ZBTB46: variants seen among roughly 807,000 people sequenced by gnomAD.
ZBTB46 encodes zinc finger and BTB domain-containing protein 46.
A neutral mutation model predicts 44.1 loss-of-function variants in ZBTB46; 8 were observed. The ratio of observed to expected loss-of-function variants is 0.18; its 90% CI spans 0.11 to 0.33. ZBTB46 has a LOEUF of 0.33. Among genes scored for constraint, ZBTB46 ranks in the 10% least tolerant of loss-of-function variants. The pLI, the probability that ZBTB46 is intolerant of heterozygous loss-of-function variation, is 1.00. For missense variants in ZBTB46, 651 were observed against 847.7 expected (o/e 0.77, Z 2.88); for synonymous variants, 409 against 382.3 (o/e 1.07, Z -0.81).
rs149916239 is a variant in ZBTB46 at position 63,747,073 on chromosome 20, C to T, written c.1627G>A (p.Gly543Arg). 2 of 1,609,064 alleles carry T rather than the reference C, an allele frequency of 1.2e-6. No homozygotes were observed. Among genetic ancestry groups the T allele is most frequent in the East Asian group, 2.2e-5 (1 of 44,784 alleles). ...TCCTCGCCCAGCTCCTCCGCCTCCCCTCGTGGGTCCTCAGGGTCCTCCAGA... is the reference window on the plus strand; with the variant it reads ...TCCTCGCCCAGCTCCTCCGCCTCCCTTCGTGGGTCCTCAGGGTCCTCCAGA... ...PYLEDPEDPRGEAEELGEDDE... is the reference protein window; with the variant it reads ...PYLEDPEDPRREAEELGEDDE... Residue 543 changes from glycine to arginine, a missense_variant, in exon 5 of 5, where the codon GGG becomes AGG. Gly to Arg is a moderately radical substitution (Grantham distance 125, BLOSUM62 -2). Around this residue, in one of 5 missense-constraint regions of ZBTB46, gnomAD observed 106 missense variants for 81.0 expected, o/e 1.31. Transcript: ENST00000245663.
At chr20:63,794,242 T>C (rs1462483018) in intron 1 of ZBTB46, among the ~76,000 whole-genome samples, 1 of 151,976 alleles carries the variant, frequency 6.6e-6, no homozygotes, top group African/African-American at 2.4e-5. Flanking sequence ...GTAACAATCT[T>C]TTGCAGTGGC....
intron 1 of ZBTB46, among the ~76,000 whole-genome samples, chr20:63,822,794 G>A (rs1427862332): frequency 2.6e-5 from 4 of 151,984 alleles, no homozygotes; most frequent in Non-Finnish European, 4.4e-5. Context: ...CAGGATGAAT[G>A]CTTGAGCCCA....
At chr20:63,801,022 T>C (rs1389247952) in intron 1 of ZBTB46, among the ~76,000 whole-genome samples, 2 of 152,204 alleles carry the variant, frequency 1.3e-5, no homozygotes, top group Non-Finnish European at 2.9e-5. Context: ...TTGGAGAACC[T>C]TTATGTCTAG....
rs2092849212 is a variant in ZBTB46 at position 63,831,162 on chromosome 20, C to T, written c.-99G>A. ...CCGCCGGGCCGGCGCCGGTGATCGC[C>T]GCCGCCGCCGGGAGGGCGCTGCGTC... is the stretch of plus-strand genomic sequence containing the variant. On this transcript the variant is annotated 5_prime_UTR_variant, in exon 1 of 5. Coordinates refer to ENST00000245663, the MANE Select transcript of ZBTB46 (RefSeq NM_001369741.1). The T allele has an allele frequency of 7.0e-6, 1 of 142,498 alleles. No individual in the cohort carries two copies. The highest frequency in any genetic ancestry group is 2.5e-5 in the African/African-American group (1 of 39,672). 8.8% of individuals were successfully genotyped at this position (142,498 alleles called of 1,614,324 possible). A position where few individuals can be genotyped will look rare whatever the true frequency, so the allele number is the denominator to read the frequency against.
intron 3 of ZBTB46, among the ~76,000 whole-genome samples, chr20:63,772,837 C>T (rs1340560336): frequency 6.6e-6 from 1 of 152,160 alleles, no homozygotes; most frequent in African/African-American, 2.4e-5. Flanking sequence ...GGACACAGCA[C>T]TCTCACTGCA....
At chr20:63,788,764 G>A (rs921025295) in intron 2 of ZBTB46, among the ~76,000 whole-genome samples, 1 of 151,834 alleles carries the variant, frequency 6.6e-6, no homozygotes, top group African/African-American at 2.4e-5. Flanking sequence ...ACTTGAATCC[G>A]GGAGACAGAG....
chr20:63,758,901 T>G (rs923542160), intron 3 of ZBTB46, among the ~76,000 whole-genome samples: 3 of 69,522 alleles, frequency 4.3e-5, no homozygotes, highest in African/African-American at 6.6e-5. Flanking sequence ...CCGGCTAATT[T>G]TTTTGAATTT....
At chr20:63,823,870 G>A (rs1251191579) in intron 1 of ZBTB46, among the ~76,000 whole-genome samples, 2 of 151,574 alleles carry the variant, frequency 1.3e-5, no homozygotes, top group Non-Finnish European at 2.9e-5. Context: ...GTGTGTGTGT[G>A]TGTGTGTGTG....
chr20:63,749,352 T>C (rs1418663682), intron 4 of ZBTB46, among the ~76,000 whole-genome samples: 1 of 152,076 alleles, frequency 6.6e-6, no homozygotes, highest in African/African-American at 2.4e-5. Context: ...TATTTATTTT[T>C]TTGAAACAGA....
intron 1 of ZBTB46, among the ~76,000 whole-genome samples, chr20:63,820,826 T>A (rs2092787759): frequency 6.6e-6 from 1 of 151,998 alleles, no homozygotes; most frequent in African/African-American, 2.4e-5. Context: ...CTTCCCAGGT[T>A]CAAGCGATTC....
In ZBTB46 at chr20:63,790,772, G is replaced by A. The variant is rs1417215525; in HGVS notation, c.-15C>T. The A allele has an allele frequency of 1.3e-6, 2 of 1,586,474 alleles. No individual in the cohort carries two copies. Among genetic ancestry groups the A allele is most frequent in the South Asian group, 2.3e-5 (2 of 88,706 alleles). ...CGGTTGTTCATTTGGAAGCCCTGGT[G>A]TCGCCTCTTCTACAGACTCTGTGGA... On this transcript the variant is annotated 5_prime_UTR_variant, in exon 2 of 5. Coordinates refer to ENST00000245663, the MANE Select transcript of ZBTB46 (RefSeq NM_001369741.1).
In ZBTB46 at chr20:63,747,230, G is replaced by A. The variant is rs368796079; in HGVS notation, c.1470C>T (p.Gly490=). ...SRVFMSAASV[G]IRHGSRRHGV... is the part of the protein sequence containing the mutation. ...CGTGGCGCCTGGAGCCATGCCTGAT[G>A]CCCACGCTGGCGGCGGACATGAAGA... The change falls in exon 5 of 5, where the codon GGC becomes GGT. Residue 490 remains glycine, a synonymous_variant. Coordinates refer to ENST00000245663, the MANE Select transcript of ZBTB46 (RefSeq NM_001369741.1). 8 of 1,589,656 alleles carry A rather than the reference G, an allele frequency of 5.0e-6. No homozygotes were observed. The Admixed American group carries it at 5.3e-5, about 10-fold the overall frequency.
chr20:63,759,130 A>G (rs745777071), intron 3 of ZBTB46, among the ~76,000 whole-genome samples: 63 of 152,174 alleles, frequency 4.1e-4, no homozygotes, highest in Non-Finnish European at 6.2e-4. Context: ...GCAATATTTT[A>G]TAGTTTTCTG....
intron 3 of ZBTB46, among the ~76,000 whole-genome samples, chr20:63,764,851 G>A (rs945338889): frequency 5.9e-5 from 9 of 151,914 alleles, no homozygotes; most frequent in East Asian, 3.9e-4. Flanking sequence ...TGCCCACCTC[G>A]GCCTCCCATA....
chr20:63,793,896 T>C (rs116557752), intron 1 of ZBTB46, among the ~76,000 whole-genome samples: 94 of 152,280 alleles, frequency 6.2e-4, no homozygotes, highest in African/African-American at 1.8e-3. Context: ...GGAAAAAAGT[T>C]ATCTGTCAGG....
Position 63,783,292 on chromosome 20 carries a change from G to C in ZBTB46, c.937+6529C>G, listed in dbSNP as rs193116317. On this transcript the variant is annotated intron_variant, in intron 2 of 4. Coordinates refer to ENST00000245663, the MANE Select transcript of ZBTB46 (RefSeq NM_001369741.1). The stretch of plus-strand genomic sequence containing the variant: ...AAAATACAAAATATCAGCTGGGCGT[G>C]GTGGCACGTGCCTGTAGTCCCAGCT... 2.0e-5 allele frequency among the ~76,000 whole-genome samples: 3 copies of C among 152,286 alleles called. No homozygotes were observed. In the East Asian group the frequency reaches 5.8e-4, roughly 29 times the overall value.
intron 3 of ZBTB46, among the ~76,000 whole-genome samples, chr20:63,765,280 G>A (rs564808085): frequency 5.3e-5 from 8 of 152,220 alleles, no homozygotes; most frequent in East Asian, 1.9e-4. Context: ...ACTGCCGTCC[G>A]CTCAGGGTCC....
intron 1 of ZBTB46, among the ~76,000 whole-genome samples, chr20:63,828,689 G>A (rs1173716504): frequency 6.6e-6 from 1 of 152,262 alleles, no homozygotes; most frequent in African/African-American, 2.4e-5. Context: ...CAGACGCCGT[G>A]ACACTGGGTG....
At chr20:63,762,638 T>C (rs1002878242) in intron 3 of ZBTB46, among the ~76,000 whole-genome samples, 2 of 150,192 alleles carry the variant, frequency 1.3e-5, no homozygotes, top group African/African-American at 2.5e-5. Context: ...TGGGCAACAG[T>C]GAGACTTCTC....
Sources: allele counts gnomAD v4.1 joint callset (sites outside exome capture counted in the v4.1 genomes callset), GRCh38; gene constraint gnomAD v4.1.1; regional missense constraint gnomAD v4.1.1; transcripts MANE v1.5; gene names NCBI Gene and HGNC (gene_info 2026-07-23, HGNC 2026-07-21).